NHLRC2: variants seen among roughly 807,000 people sequenced by gnomAD.
NHLRC2 encodes NHL repeat-containing protein 2.
A neutral mutation model predicts 68.1 loss-of-function variants in NHLRC2; 33 were observed. The observed-to-expected ratio is 0.48, with a 90% confidence interval of 0.37 to 0.65. The LOEUF (loss-of-function observed/expected upper bound fraction) is 0.65, where lower values mean the gene tolerates loss of function less well. Ranked by LOEUF, NHLRC2 falls within the 30% of genes least tolerant of loss-of-function variation. The probability of loss-of-function intolerance (pLI) is 0.00; values close to 1 mark genes in which losing one functional copy is unlikely to be tolerated. For missense variants in NHLRC2, 761 were observed against 853.8 expected, an observed-to-expected ratio of 0.89 and a Z score of 1.35; for synonymous variants, 311 against 309.6, an observed-to-expected ratio of 1.00 and a Z score of -0.05.
chr10:113,888,316 G>A (rs1846100786), intron 5 of NHLRC2, among the ~76,000 whole-genome samples: 1 of 152,018 alleles, frequency 6.6e-6, no homozygotes, highest in Non-Finnish European at 1.5e-5. Context: ...TTTAACATTT[G>A]CACCACACAG....
rs1329997706 is a variant in NHLRC2, at chr10:113,908,902, A to G, written c.*366A>G. 1 of 177,592 alleles carries G rather than the reference A, an allele frequency of 5.6e-6. No individual in the cohort carries two copies. Among genetic ancestry groups the G allele is most frequent in the Non-Finnish European group, 1.2e-5 (1 of 83,522 alleles). The allele number at this position is 177,592 out of a possible 1,614,324, so 11.0% of individuals were successfully genotyped here. ...ATTTTAACTAACTTTTTCTACCTTT[A>G]TTAATAGCAATCAGCACACTTGAAT... On this transcript the variant is annotated 3_prime_UTR_variant, in exon 11 of 11. Coordinates refer to ENST00000369301, the MANE Select transcript of NHLRC2 (RefSeq NM_198514.4).
rs543873330 is a variant in NHLRC2, at chr10:113,870,856, G to A, written c.332-5665G>A. Among the ~76,000 whole-genome samples the A allele has an allele frequency of 3.9e-5, 6 of 152,092 alleles. No individual in the cohort carries two copies. In the South Asian group the frequency reaches 6.2e-4, roughly 16 times the overall value. On this transcript the variant is annotated intron_variant, in intron 2 of 10. Coordinates refer to ENST00000369301, the MANE Select transcript of NHLRC2 (RefSeq NM_198514.4). ...AATAGATAGGAAGTGGTATCTTGGT[G>A]TAATTTTAAGATGTATTTTTGAGTT...
At position 113,861,953 on chromosome 10, in the gene NHLRC2, A is replaced by G. The variant is rs531473203; in HGVS notation, c.331+3273A>G. ...TAGTGGCGCATCTCGGCCTACTGCAACCTCTGCCTCCCAGGCTCAAGCAAT... is the reference window on the plus strand; with the variant it reads ...TAGTGGCGCATCTCGGCCTACTGCAGCCTCTGCCTCCCAGGCTCAAGCAAT... On this transcript the variant is annotated intron_variant, in intron 2 of 10. Transcript: ENST00000369301. Among the ~76,000 whole-genome samples the G allele has an allele frequency of 4.6e-5, 7 of 152,122 alleles. No individual in the cohort carries two copies. In the East Asian group the frequency reaches 1.4e-3, roughly 29 times the overall value.
At chr10:113,860,867 G>C (rs1845809728) in intron 2 of NHLRC2, among the ~76,000 whole-genome samples, 1 of 152,168 alleles carries the variant, frequency 6.6e-6, no homozygotes, top group African/African-American at 2.4e-5. Flanking sequence ...GAGAAAGTAT[G>C]TTTAATGCTT....
chr10:113,876,597 T>G lies in NHLRC2; in HGVS notation c.408T>G (p.Val136=). 6.2e-7 allele frequency: 1 copy of G among 1,613,784 alleles called. No homozygotes were observed. The highest frequency in any genetic ancestry group is 8.5e-7 in the Non-Finnish European group (1 of 1,179,748). ...EKVLDNIKSA[V]LRYNITHPMV... ...TCCTGGATAACATTAAGAGTGCTGTTCTTCGATACAACATCACCCACCCTA... is the reference window on the plus strand; with the variant it reads ...TCCTGGATAACATTAAGAGTGCTGTGCTTCGATACAACATCACCCACCCTA... Residue 136 remains valine, a synonymous_variant, in exon 3 of 11, where the codon GTT becomes GTG. Coordinates refer to ENST00000369301, the MANE Select transcript of NHLRC2 (RefSeq NM_198514.4).
At chr10:113,867,416 G>A (rs1342147140) in intron 2 of NHLRC2, among the ~76,000 whole-genome samples, 3 of 152,202 alleles carry the variant, frequency 2.0e-5, no homozygotes, top group Non-Finnish European at 2.9e-5. Context: ...CCTGATATCA[G>A]TGTTTGATTG....
At position 113,876,929 on chromosome 10, in the gene NHLRC2, G is replaced by T; in HGVS notation, c.740G>T (p.Arg247Ile). The stretch of plus-strand genomic sequence containing the variant: ...GTAATAGCAGACACTGGACATCATA[G>T]AATTTTGGTCGTTTGGAAGAATGGA... ...RLVIADTGHHRILVVWKNGQI... is the reference protein window; with the variant it reads ...RLVIADTGHHIILVVWKNGQI... Residue 247 changes from arginine (R) to isoleucine (I), a missense_variant, in exon 3 of 11, where the codon AGA becomes ATA. Physicochemically the swap from Arg to Ile is moderately conservative, Grantham distance 97. Coordinates refer to ENST00000369301, the MANE Select transcript of NHLRC2 (RefSeq NM_198514.4). The T allele has an allele frequency of 1.2e-6, 2 of 1,604,824 alleles. No homozygotes were observed. Among genetic ancestry groups the T allele is most frequent in the South Asian group, 1.1e-5 (1 of 88,932 alleles).
At chr10:113,889,140 G>A (rs536392228) in intron 5 of NHLRC2, among the ~76,000 whole-genome samples, 27 of 152,038 alleles carry the variant, frequency 1.8e-4, no homozygotes, top group Middle Eastern at 6.8e-3. Context: ...ACCCCTATCA[G>A]TATCTAAGTA....
At chr10:113,858,869 G>A (rs1845788690) in intron 2 of NHLRC2, 189 bp downstream of exon 2, 1 of 407,766 alleles carries the variant, frequency 2.5e-6, no homozygotes, top group South Asian at 9.6e-5. Context: ...ATAGTGGTTT[G>A]CCTATCTAAA....
At position 113,910,987 on chromosome 10, in the gene NHLRC2, G is replaced by A. The variant is rs1412283003; in HGVS notation, c.*2451G>A. 2 of 152,136 alleles carry A rather than the reference G, an allele frequency of 1.3e-5. No individual in the cohort carries two copies. The highest frequency in any genetic ancestry group is 4.8e-5 in the African/African-American group (2 of 41,448). 9.4% of individuals were successfully genotyped at this position (152,136 alleles called of 1,614,324 possible). Reference sequence around the variant, plus strand: ...CGAGGATAAACCTCTCACATAAGAGGAAGCACTAGAAAGTTTATTTTTAAA... The same window carrying A: ...CGAGGATAAACCTCTCACATAAGAGAAAGCACTAGAAAGTTTATTTTTAAA... On this transcript the variant is annotated 3_prime_UTR_variant, in exon 11 of 11. Transcript: ENST00000369301.
In NHLRC2 at chr10:113,901,199, G is replaced by A. The variant is rs111683102; in HGVS notation, c.1140-467G>A. 5.4e-3 allele frequency among the ~76,000 whole-genome samples: 826 copies of A among 152,142 alleles called. 9 individuals carry two copies. The highest frequency in any genetic ancestry group is 0.019 in the African/African-American group (784 of 41,490). ...AAACTATTCTTTAATTCCTTTTGCT[G>A]GTCTCTGTTTATATATAAGAACACA... On this transcript the variant is annotated intron_variant, in intron 6 of 10. Coordinates refer to ENST00000369301, the MANE Select transcript of NHLRC2 (RefSeq NM_198514.4).
At chr10:113,893,048 CA>C (rs1846146594) in intron 5 of NHLRC2, among the ~76,000 whole-genome samples, 1 of 151,912 alleles carries the variant, frequency 6.6e-6, no homozygotes, top group South Asian at 2.1e-4. Flanking sequence ...TGAACCAAAC[CA>C]AAAATGGGAA....
At chr10:113,861,482 G>A (rs558100046) in intron 2 of NHLRC2, among the ~76,000 whole-genome samples, 1 of 152,294 alleles carries the variant, frequency 6.6e-6, no homozygotes, top group South Asian at 2.1e-4. Flanking sequence ...AAACTTTGGA[G>A]GCCAGAAGGC....
intron 4 of NHLRC2, among the ~76,000 whole-genome samples, chr10:113,882,498 C>G (rs1846044110): frequency 6.6e-6 from 1 of 151,670 alleles, no homozygotes; most frequent in African/African-American, 2.4e-5. Flanking sequence ...ATTTTTATAT[C>G]TTTGAGAAGT....
Position 113,901,793 on chromosome 10 carries a change from T to C in NHLRC2, c.1267T>C (p.Trp423Arg). 1 of 1,614,136 alleles carries C rather than the reference T, an allele frequency of 6.2e-7. No individual in the cohort carries two copies. The highest frequency in any genetic ancestry group is 8.5e-7 in the Non-Finnish European group (1 of 1,179,970). ...CCTTTCCTTGGCCTCTGAAGATCCCTGGAGCTGCTTGTTTGTAGCAGATAG... is the reference window on the plus strand; with the variant it reads ...CCTTTCCTTGGCCTCTGAAGATCCCCGGAGCTGCTTGTTTGTAGCAGATAG... ...SGLSLASEDP[W>R]SCLFVADSES... Residue 423 changes from tryptophan to arginine, a missense_variant, in exon 7 of 11, where the codon TGG becomes CGG. Physicochemically the swap from Trp to Arg is moderately radical, Grantham distance 101 (BLOSUM62 -3). Transcript: ENST00000369301.
At chr10:113,897,977 A>C in intron 5 of NHLRC2, 133 bp from the exon 6 acceptor site, 1 of 485,126 alleles carries the variant, frequency 2.1e-6, no homozygotes, top group East Asian at 3.6e-5. Flanking sequence ...AACTTGAAAC[A>C]TTGCAGATAT....
chr10:113,857,340 C>G (rs541228893), intron 1 of NHLRC2, among the ~76,000 whole-genome samples: 2 of 152,066 alleles, frequency 1.3e-5, no homozygotes, highest in East Asian at 3.8e-4. Context: ...TGTATGATCA[C>G]TTGATCTGGT....
intron 2 of NHLRC2, among the ~76,000 whole-genome samples, chr10:113,867,332 A>G (rs557417690): frequency 3.9e-4 from 60 of 152,338 alleles, no homozygotes; most frequent in Admixed American, 2.2e-3. Flanking sequence ...TATTTATTCT[A>G]TGTTCTTAAA....
intron 5 of NHLRC2, among the ~76,000 whole-genome samples, chr10:113,889,467 T>TA (rs1163102160): frequency 6.6e-6 from 1 of 152,204 alleles, no homozygotes; most frequent in Non-Finnish European, 1.5e-5. Context: ...GTATGACTAG[T>TA]ACATTTTTAT....
Sources: gnomAD v4.1 joint callset for allele counts (sites outside exome capture counted in the v4.1 genomes callset) on GRCh38, gnomAD v4.1.1 for gene constraint, MANE v1.5 for transcripts, NCBI Gene and HGNC (gene_info 2026-07-23, HGNC 2026-07-21) for gene names.